The following TRPC4 variants were observed in gnomAD, a reference collection of about 807,000 sequenced individuals.
TRPC4 encodes the protein transient receptor potential cation channel subfamily C member 4.
TRPC4 carries 49 observed loss-of-function variants against 99.4 expected under a neutral mutation model. The ratio of observed to expected loss-of-function variants is 0.49; its 90% CI spans 0.39 to 0.63. The LOEUF (loss-of-function observed/expected upper bound fraction) is 0.63, where lower values mean the gene tolerates loss of function less well. Ranked by LOEUF, TRPC4 falls within the 20% of genes least tolerant of loss-of-function variation. The pLI is 0.00. For synonymous variants in TRPC4, 454 were observed against 425.9 expected (o/e 1.07, Z -0.81); for missense variants, 898 against 1,152.9 (o/e 0.78, Z 3.20).
At chr13:37,805,751 A>C (rs1482975009) in intron 1 of TRPC4, among the ~76,000 whole-genome samples, 1 of 152,070 alleles carries the variant, frequency 6.6e-6, no homozygotes, top group African/African-American at 2.4e-5. Flanking sequence ...TTTAGATTTT[A>C]CAATGAACAT....
At chr13:37,755,173 G>A (rs1956064744) in intron 2 of TRPC4, among the ~76,000 whole-genome samples, 1 of 151,616 alleles carries the variant, frequency 6.6e-6, no homozygotes, top group Admixed American at 6.6e-5. Flanking sequence ...TTATAAAATA[G>A]TTATATTGAG....
Position 37,677,605 on chromosome 13 carries a change from A to T in TRPC4, c.1235-3238T>A, listed in dbSNP as rs149192519. ...ATAAAAAGGCGAATTTGCTGAGAAGATATAAAAATTCTATGTGTGCTTGCA... is the reference window on the plus strand; with the variant it reads ...ATAAAAAGGCGAATTTGCTGAGAAGTTATAAAAATTCTATGTGTGCTTGCA... On this transcript the variant is annotated intron_variant, in intron 4 of 10. Coordinates refer to ENST00000379705, the MANE Select transcript of TRPC4 (RefSeq NM_016179.4). Among the ~76,000 whole-genome samples, 607 of 152,314 alleles carry T rather than the reference A, an allele frequency of 4.0e-3. 2 individuals carry two copies. Among genetic ancestry groups the T allele is most frequent in the Non-Finnish European group, 6.2e-3 (419 of 68,006 alleles).
At chr13:37,660,198 G>T (rs1013861332) in intron 6 of TRPC4, among the ~76,000 whole-genome samples, 1 of 152,116 alleles carries the variant, frequency 6.6e-6, no homozygotes, top group African/African-American at 2.4e-5. Flanking sequence ...TAAGGTTAGG[G>T]TTAGAGTAAA....
At chr13:37,797,222 C>T (rs1957280541) in intron 1 of TRPC4, among the ~76,000 whole-genome samples, 1 of 151,916 alleles carries the variant, frequency 6.6e-6, no homozygotes, top group African/African-American at 2.4e-5. Context: ...AAAATAGACT[C>T]ATGGCATGTT....
chr13:37,839,985 T>A (rs1453405150), intron 1 of TRPC4, among the ~76,000 whole-genome samples: 2 of 152,134 alleles, frequency 1.3e-5, no homozygotes, highest in Non-Finnish European at 2.9e-5. Flanking sequence ...TATTGGATCA[T>A]CAATAATTAA....
chr13:37,641,583 C>G (rs1263317245), intron 8 of TRPC4, among the ~76,000 whole-genome samples: 1 of 152,164 alleles, frequency 6.6e-6, no homozygotes, highest in East Asian at 1.9e-4. Flanking sequence ...TGATAGAGCT[C>G]TCATCTGTTT....
At chr13:37,846,019 T>C (rs535467370) in intron 1 of TRPC4, among the ~76,000 whole-genome samples, 5 of 152,282 alleles carry the variant, frequency 3.3e-5, no homozygotes, top group African/African-American at 1.2e-4. Context: ...GCAAATTCTA[T>C]ATTAATAGTG....
At chr13:37,840,719 A>G (rs1422234447) in intron 1 of TRPC4, among the ~76,000 whole-genome samples, 1 of 152,068 alleles carries the variant, frequency 6.6e-6, no homozygotes, top group Non-Finnish European at 1.5e-5. Flanking sequence ...ACATTAGTGA[A>G]CTATAAATTT....
chr13:37,854,040 C>A lies in TRPC4; in HGVS notation c.-28+15555G>T, dbSNP rs183975912. 3.3e-5 allele frequency among the ~76,000 whole-genome samples: 5 copies of A among 152,124 alleles called. No homozygotes were observed. In the East Asian group the frequency reaches 9.7e-4, roughly 29 times the overall value. On this transcript the variant is annotated intron_variant, in intron 1 of 10. Transcript: ENST00000379705. ...AAAGGGGTAATATCCAAGAATTTCC[C>A]AATCCTAGAGAAAGATATCAACATT...
intron 2 of TRPC4, among the ~76,000 whole-genome samples, chr13:37,778,404 A>T (rs1010196241): frequency 3.3e-5 from 5 of 151,994 alleles, no homozygotes; most frequent in Admixed American, 2.6e-4. Flanking sequence ...ATGGTGACAA[A>T]CTCAGTGAAT....
chr13:37,684,146 A>G (rs553841000), intron 4 of TRPC4, among the ~76,000 whole-genome samples: 52 of 152,338 alleles, frequency 3.4e-4, no homozygotes, highest in Non-Finnish European at 4.7e-4. Flanking sequence ...TTTCTAAATC[A>G]GCCAACCATA....
intron 1 of TRPC4, among the ~76,000 whole-genome samples, chr13:37,846,272 G>A (rs1445229680): frequency 6.6e-6 from 1 of 152,036 alleles, no homozygotes; most frequent in African/African-American, 2.4e-5. Context: ...AGTAATATGT[G>A]GTCATACTCA....
chr13:37,649,778 G>A (rs1283315426), intron 8 of TRPC4, among the ~76,000 whole-genome samples: 6 of 130,546 alleles, frequency 4.6e-5, no homozygotes, highest in Admixed American at 1.7e-4. Flanking sequence ...AAAGAACTAA[G>A]CTATTACATT....
At chr13:37,709,512 A>T (rs1954403781) in intron 3 of TRPC4, among the ~76,000 whole-genome samples, 1 of 152,012 alleles carries the variant, frequency 6.6e-6, no homozygotes, top group Non-Finnish European at 1.5e-5. Flanking sequence ...GATAAATCAC[A>T]TCCTCTTTCA....
At chr13:37,838,495 G>A (rs1248813682) in intron 1 of TRPC4, among the ~76,000 whole-genome samples, 1 of 152,016 alleles carries the variant, frequency 6.6e-6, no homozygotes, top group African/African-American at 2.4e-5. Context: ...TTTTTCATAA[G>A]TGATCTTGTT....
At chr13:37,638,648 C>G (rs1290152069) in intron 10 of TRPC4, among the ~76,000 whole-genome samples, 1 of 152,102 alleles carries the variant, frequency 6.6e-6, no homozygotes. Flanking sequence ...GTATTAGTTA[C>G]AATTAAATGC....
At chr13:37,673,021 G>A (rs1228484451) in intron 5 of TRPC4, among the ~76,000 whole-genome samples, 2 of 151,916 alleles carry the variant, frequency 1.3e-5, no homozygotes, top group East Asian at 1.9e-4. Flanking sequence ...AGGTATACAT[G>A]TGCTGTGTTG....
chr13:37,836,922 G>T (rs1473376522), intron 1 of TRPC4, among the ~76,000 whole-genome samples: 1 of 152,162 alleles, frequency 6.6e-6, no homozygotes, highest in Non-Finnish European at 1.5e-5. Flanking sequence ...AATGGGCCAG[G>T]CCCAGAGTCG....
chr13:37,692,029 C>G lies in TRPC4; in HGVS notation c.1204G>C (p.Val402Leu). 6.2e-7 allele frequency: 1 copy of G among 1,613,876 alleles called. No homozygotes were observed. ...LNRQGPPPTI[V>L]EWMILPWVLG... is the part of the protein sequence containing the mutation. ...ACCCACGGTAATATCATCCACTCGA[C>G]GATGGTTGGTGGTGGACCTTGCCTG... Residue 402 changes from valine to leucine, a missense_variant, in exon 4 of 11, where the codon GTC (valine) becomes CTC (leucine). Transcript: ENST00000379705.
Sources: allele counts gnomAD v4.1 joint callset (sites outside exome capture counted in the v4.1 genomes callset), GRCh38; gene constraint gnomAD v4.1.1; transcripts MANE v1.5; gene names NCBI Gene and HGNC (gene_info 2026-07-23, HGNC 2026-07-21).